Variants in MEAK7 observed in about 807,000 individuals in gnomAD.
The protein encoded by MEAK7 is MTOR associated protein MEAK7, also known as MTOR-associated protein MEAK7.
Under a neutral mutation model 40.5 loss-of-function variants are expected in MEAK7, and 68 were observed. The observed-to-expected ratio is 1.68, with a 90% confidence interval of 1.38 to 2.06. MEAK7 has a LOEUF of 2.06. Ranked by LOEUF, MEAK7 falls within the 30% of genes most tolerant of loss-of-function variation. MEAK7 has a pLI of 0.00. For synonymous variants in MEAK7, 338 were observed against 231.9 expected (o/e 1.46, Z -4.16); for missense variants, 918 against 580.5 (o/e 1.58, Z -5.98).
intron 3 of MEAK7, among the ~76,000 whole-genome samples, chr16:84,490,268 C>G (rs1913452691): frequency 7.0e-6 from 1 of 142,628 alleles, no homozygotes; most frequent in African/African-American, 2.6e-5. Flanking sequence ...GGCTAAATTC[C>G]CATAGCTGGG....
At chr16:84,504,124 G>A (rs943996819) in intron 1 of MEAK7, 11 of 985,384 alleles carry the variant, frequency 1.1e-5, no homozygotes, top group Non-Finnish European at 1.3e-5. Context: ...TACATGGCCT[G>A]GGAACAGTTA....
At chr16:84,496,305 C>T (rs1358883289) in intron 2 of MEAK7, among the ~76,000 whole-genome samples, 1 of 152,184 alleles carries the variant, frequency 6.6e-6, no homozygotes, top group Non-Finnish European at 1.5e-5. Context: ...CATACCTGGT[C>T]AAACCAATCC....
intron 1 of MEAK7, among the ~76,000 whole-genome samples, chr16:84,502,303 G>C (rs765154348): frequency 2.6e-5 from 4 of 151,682 alleles, no homozygotes; most frequent in Non-Finnish European, 5.9e-5. Context: ...GGGGAGTGCC[G>C]TTGGCATCTA....
At chr16:84,490,677 T>TGTGTGTGC (rs1913516906) in intron 3 of MEAK7, among the ~76,000 whole-genome samples, 2 of 150,468 alleles carry the variant, frequency 1.3e-5, no homozygotes, top group African/African-American at 4.9e-5. Context: ...TGTGTGTGTG[T>TGTGTGTGC]GTGTGTGTGT....
At position 84,486,766 on chromosome 16, in the gene MEAK7, G is replaced by C. The variant is rs1298179927; in HGVS notation, c.823C>G (p.His275Asp). 1 of 1,614,040 alleles carries C rather than the reference G, an allele frequency of 6.2e-7. No homozygotes were observed. The highest frequency in any genetic ancestry group is 1.7e-5 in the Admixed American group (1 of 60,020). The change falls in exon 5 of 8, where the codon CAT becomes GAT. Residue 275 changes from histidine (H) to aspartate (D), a missense_variant. His to Asp is a moderately conservative substitution (Grantham distance 81). Coordinates refer to ENST00000343629, the MANE Select transcript of MEAK7 (RefSeq NM_020947.4). ...RWCLLFSSEL[H>D]GHSFSQLCGH... The stretch of plus-strand genomic sequence containing the variant: ...CAGAGCTGGGAGAAGCTGTGTCCAT[G>C]GAGCTCAGACGAAAAGAGCAGGCAC...
At chr16:84,502,013 G>A (rs542193359) in intron 1 of MEAK7, among the ~76,000 whole-genome samples, 53 of 152,254 alleles carry the variant, frequency 3.5e-4, no homozygotes, top group African/African-American at 1.2e-3. Flanking sequence ...GTGTGGTGGT[G>A]CATGCCTGTA....
chr16:84,488,767 A>C lies in MEAK7; in HGVS notation c.529+511T>G, dbSNP rs1408232522. ...ATGAAAATAAAAACATAACCTATCAAAACTTATGGCATGCAGCGAAGGCAG... is the reference window on the plus strand; with the variant it reads ...ATGAAAATAAAAACATAACCTATCACAACTTATGGCATGCAGCGAAGGCAG... On this transcript the variant is annotated intron_variant, in intron 4 of 7. Coordinates refer to ENST00000343629, the MANE Select transcript of MEAK7 (RefSeq NM_020947.4). Among the ~76,000 whole-genome samples the C allele has an allele frequency of 5.9e-5, 9 of 152,344 alleles. No individual in the cohort carries two copies. In the East Asian group the frequency reaches 1.7e-3, roughly 29 times the overall value.
intron 1 of MEAK7, among the ~76,000 whole-genome samples, chr16:84,500,658 T>G (rs371659053): frequency 5.9e-5 from 9 of 152,078 alleles, no homozygotes; most frequent in East Asian, 3.9e-4. Context: ...TCTCACCGCT[T>G]CCACTCCTCA....
At position 84,479,979 on chromosome 16, in the gene MEAK7, G is replaced by A. The variant is rs749041490; in HGVS notation, c.1305C>T (p.Ala435=). The part of the protein sequence containing the change: ...SILDADPEAQ[A]LLEISGHSRH... ...GCGAATGCCCACTGATCTCCAGCAG[G>A]GCCTGGGCCTCAGGGTCCGCATCCA... Residue 435 remains alanine (A), a synonymous_variant, in exon 8 of 8, where the codon GCC becomes GCT. Transcript: ENST00000343629. 11 of 1,609,198 alleles carry A rather than the reference G, an allele frequency of 6.8e-6. No individual in the cohort carries two copies. The East Asian group carries it at 2.2e-4, about 33-fold the overall frequency.
intron 1 of MEAK7, chr16:84,503,952 C>G: frequency 1.0e-6 from 1 of 985,582 alleles, no homozygotes; most frequent in Non-Finnish European, 1.2e-6. Flanking sequence ...AAGGGTCCCT[C>G]CGTACCCCCA....
rs1019081826 is a variant in MEAK7, at chr16:84,479,853, G to A, written c.*60C>T. On this transcript the variant is annotated 3_prime_UTR_variant, in exon 8 of 8. Transcript: ENST00000343629. ...CATGTGGGAGGGAAGAGGGGCTGCA[G>A]GCGTTGCCCTCTACCCAGAGGAATC... is the stretch of plus-strand genomic sequence containing the variant. 6.0e-6 allele frequency: 8 copies of A among 1,323,086 alleles called. No individual in the cohort carries two copies. Among genetic ancestry groups the A allele is most frequent in the African/African-American group, 1.5e-5 (1 of 68,040 alleles). 82.0% of individuals were successfully genotyped at this position (1,323,086 alleles called of 1,614,324 possible). A position where few individuals can be genotyped will look rare whatever the true frequency, so the allele number is the denominator to read the frequency against.
chr16:84,490,655 T>G (rs1297062606), intron 3 of MEAK7, among the ~76,000 whole-genome samples: 1 of 30,446 alleles, frequency 3.3e-5, no homozygotes, highest in Non-Finnish European at 8.3e-5. Flanking sequence ...CTAATCAAGA[T>G]GTGTGTGTGT....
chr16:84,484,817 C>T (rs984865438), intron 5 of MEAK7, among the ~76,000 whole-genome samples: 1 of 152,194 alleles, frequency 6.6e-6, no homozygotes, highest in Non-Finnish European at 1.5e-5. Context: ...TGAGGCTGCC[C>T]TCTGCTGTTG....
At chr16:84,496,909 G>A (rs1331484842) in intron 2 of MEAK7, among the ~76,000 whole-genome samples, 1 of 152,150 alleles carries the variant, frequency 6.6e-6, no homozygotes, top group Non-Finnish European at 1.5e-5. Context: ...ATTAACACAT[G>A]TAACATATGT....
At chr16:84,480,126 C>G (rs1013422582) in intron 7 of MEAK7, 100 bp from the exon 8 acceptor site, 1 of 970,926 alleles carries the variant, frequency 1.0e-6, no homozygotes, top group Non-Finnish European at 1.5e-6. Flanking sequence ...AATCAGGCTC[C>G]GGTTCCCCCT....
intron 5 of MEAK7, among the ~76,000 whole-genome samples, chr16:84,485,452 G>C (rs192936614): frequency 6.6e-6 from 1 of 152,292 alleles, no homozygotes; most frequent in East Asian, 1.9e-4. Context: ...ACTCCACCTG[G>C]ACACAGTTCC....
intron 1 of MEAK7, among the ~76,000 whole-genome samples, chr16:84,501,435 G>C (rs913897082): frequency 1.3e-5 from 2 of 152,074 alleles, no homozygotes; most frequent in African/African-American, 2.4e-5. Flanking sequence ...CCAGAAACAG[G>C]CTCCCCCACT....
intron 3 of MEAK7, 60 bp from the exon 4 acceptor site, chr16:84,489,482 T>C (rs1913386163): frequency 3.3e-6 from 5 of 1,520,344 alleles, no homozygotes; most frequent in Non-Finnish European, 2.7e-6. Context: ...ACCTATGTCA[T>C]GCCCACATGG....
chr16:84,492,356 T>C (rs543424881), intron 3 of MEAK7, among the ~76,000 whole-genome samples: 2 of 152,256 alleles, frequency 1.3e-5, no homozygotes, highest in East Asian at 3.9e-4. Context: ...GTCAAGATGA[T>C]TAAAATTTAA....
Sources: allele counts gnomAD v4.1 joint callset (sites outside exome capture counted in the v4.1 genomes callset), GRCh38; gene constraint gnomAD v4.1.1; transcripts MANE v1.5; gene names NCBI Gene and HGNC (gene_info 2026-07-23, HGNC 2026-07-21).